The following SLC60A1 variants were observed in gnomAD, a reference collection of about 807,000 sequenced individuals.
SLC60A1 encodes the protein solute carrier family 60 member 1.
chr1:205,589,127 T>C, the SLC60A1 span, among the ~76,000 whole-genome samples: 1 of 152,142 alleles, frequency 6.6e-6, no homozygotes, highest in African/African-American at 2.4e-5. Flanking sequence ...ATGCATGTGG[T>C]TTGTACATGG....
At chr1:205,597,713 G>A in the SLC60A1 span, 1 of 1,561,230 alleles carries the variant, frequency 6.4e-7, no homozygotes, top group Non-Finnish European at 8.8e-7. Flanking sequence ...CCAGCAACCT[G>A]GATTGTAATG....
chr1:205,575,485 A>G, the SLC60A1 span, among the ~76,000 whole-genome samples: 51 of 152,278 alleles, frequency 3.3e-4, 1 homozygote, highest in African/African-American at 1.2e-3. Context: ...CTTACTGCTC[A>G]GGCCCTTCCC....
chr1:205,602,830 GA>G, the SLC60A1 span: 1 of 152,114 alleles, frequency 6.6e-6, no homozygotes, highest in Non-Finnish European at 1.5e-5. Context: ...TGGCTATATC[GA>G]AGTTGATTGT....
the SLC60A1 span, among the ~76,000 whole-genome samples, chr1:205,589,186 G>A: frequency 2.6e-5 from 4 of 152,272 alleles, no homozygotes; most frequent in South Asian, 2.1e-4. Context: ...TCCAAACCCC[G>A]GCATCTGTCC....
At chr1:205,602,838 T>C in the SLC60A1 span, 3 of 152,338 alleles carry the variant, frequency 2.0e-5, no homozygotes, top group African/African-American at 7.2e-5. Flanking sequence ...TCGAAGTTGA[T>C]TGTGACTAAT....
chr1:205,590,600 C>T, the SLC60A1 span, among the ~76,000 whole-genome samples: 38 of 152,280 alleles, frequency 2.5e-4, no homozygotes, highest in African/African-American at 8.9e-4. Context: ...TTAGGAGCAC[C>T]GGCTTTGATT....
the SLC60A1 span, chr1:205,599,006 C>T: frequency 7.9e-7 from 1 of 1,264,192 alleles, no homozygotes; most frequent in African/African-American, 1.5e-5. Flanking sequence ...GTGATTCCAT[C>T]TCTTGGTGTG....
At chr1:205,580,256 C>T in the SLC60A1 span, among the ~76,000 whole-genome samples, 1,530 of 152,266 alleles carry the variant, frequency 0.01, 28 homozygotes, top group African/African-American at 0.035. This position sits in a 1 kb window ranked among gnomAD's most constrained non-coding sequence, Gnocchi z 5.0. Context: ...TTTCTCCCCC[C>T]GGGATTCAGC....
the SLC60A1 span, chr1:205,600,491 TCAGCCTCTTGATCAC>T: frequency 1.2e-6 from 2 of 1,610,188 alleles, no homozygotes; most frequent in Non-Finnish European, 1.7e-6. Flanking sequence ...GAGAAGACTT[TCAGCCTCTTGATCAC>T]CAGCACGACC....
At chr1:205,587,305 A>G in the SLC60A1 span, among the ~76,000 whole-genome samples, 1 of 152,200 alleles carries the variant, frequency 6.6e-6, no homozygotes, top group African/African-American at 2.4e-5. Context: ...TACTAAGTCC[A>G]GGTAAGAAAG....
the SLC60A1 span, among the ~76,000 whole-genome samples, chr1:205,595,647 TC>T: frequency 2.0e-5 from 3 of 152,228 alleles, no homozygotes; most frequent in Non-Finnish European, 4.4e-5. Context: ...CAGTTTCACT[TC>T]CTTCCCCTCT....
the SLC60A1 span, among the ~76,000 whole-genome samples, chr1:205,571,908 G>A: frequency 6.6e-6 from 1 of 152,226 alleles, no homozygotes. Context: ...GCGGGGGAGT[G>A]GGGGAAAGTT....
At chr1:205,591,380 G>A in the SLC60A1 span, among the ~76,000 whole-genome samples, 2 of 151,596 alleles carry the variant, frequency 1.3e-5, no homozygotes, top group Non-Finnish European at 2.9e-5. Flanking sequence ...TACTCAGGAG[G>A]CTGAGGTGGG....
the SLC60A1 span, chr1:205,599,362 C>A: frequency 7.5e-7 from 1 of 1,335,896 alleles, no homozygotes; most frequent in South Asian, 1.4e-5. Flanking sequence ...CTGCTCTGTT[C>A]CAAGTAAAAT....
the SLC60A1 span, chr1:205,583,962 TGCCCATG>T: frequency 1.2e-6 from 2 of 1,612,580 alleles, no homozygotes; most frequent in Non-Finnish European, 1.7e-6. Flanking sequence ...CAGCTTCCAG[TGCCCATG>T]GCTGTGCTGA....
chr1:205,592,368 CTTTT>C, the SLC60A1 span: 10 of 405,252 alleles, frequency 2.5e-5, no homozygotes, highest in East Asian at 2.2e-4. Context: ...TCTCTGTGCT[CTTTT>C]TTTTTTTTTT....
At chr1:205,601,544 A>G in the SLC60A1 span, 2 of 152,054 alleles carry the variant, frequency 1.3e-5, no homozygotes, top group Non-Finnish European at 2.9e-5. Context: ...CAGCACTAAG[A>G]CTTTCTGAAA....
the SLC60A1 span, among the ~76,000 whole-genome samples, chr1:205,588,778 A>G: frequency 6.6e-6 from 1 of 152,196 alleles, no homozygotes; most frequent in African/African-American, 2.4e-5. Flanking sequence ...CTGACTTAGT[A>G]TGTTTGTGCT....
chr1:205,571,360 ACT>A, the SLC60A1 span, among the ~76,000 whole-genome samples: 1 of 152,088 alleles, frequency 6.6e-6, no homozygotes, highest in Non-Finnish European at 1.5e-5. Flanking sequence ...ATCAGTGTAA[ACT>A]CTGCAGATCA....
Sources: gnomAD v4.1 joint callset for allele counts (sites outside exome capture counted in the v4.1 genomes callset) on GRCh38, gnomAD v4.1.1 for gene constraint, Gnocchi (gnomAD v3.1) non-coding constraint, MANE v1.5 for transcripts, NCBI Gene and HGNC (gene_info 2026-07-23, HGNC 2026-07-21) for gene names.